RBFOX1: variants seen among roughly 807,000 people sequenced by gnomAD.
The protein encoded by RBFOX1 is RNA binding protein fox-1 homolog 1.
Under a neutral mutation model 57.7 loss-of-function variants are expected in RBFOX1, and 8 were observed. The observed-to-expected ratio is 0.14, with a 90% CI of 0.08 to 0.25. The LOEUF is 0.25. Among genes scored for constraint, RBFOX1 ranks in the 10% least tolerant of loss-of-function variants. The pLI is 1.00. For synonymous variants in RBFOX1, 326 were observed against 222.4 expected (o/e 1.47, Z -4.15); for missense variants, 611 against 548.5 (o/e 1.11, Z -1.14).
Position 5,643,621 on chromosome 16 carries a change from G to C in RBFOX1, c.318+44660G>C, listed in dbSNP as rs557307184. 5.9e-5 allele frequency among the ~76,000 whole-genome samples: 9 copies of C among 152,302 alleles called. No homozygotes were observed. In the East Asian group the frequency reaches 1.2e-3, roughly 20 times the overall value. On this transcript the variant is annotated intron_variant, in intron 3 of 19. Transcript: ENST00000641259. Reference sequence around the variant, plus strand: ...ATAGCAAGGTATTTTTAGGTACAGAGTCTTCCTGCAGCATTTAAATTATGA... The same window carrying C: ...ATAGCAAGGTATTTTTAGGTACAGACTCTTCCTGCAGCATTTAAATTATGA...
intron 11 of RBFOX1, among the ~76,000 whole-genome samples, chr16:7,641,649 A>T (rs1264439436): frequency 6.6e-6 from 1 of 152,182 alleles, no homozygotes; most frequent in Non-Finnish European, 1.5e-5. Context: ...TTTCCAGAAG[A>T]TCATTTTTCC....
chr16:7,503,215 T>C (rs1375797917), intron 4 of RBFOX1, among the ~76,000 whole-genome samples: 1 of 152,164 alleles, frequency 6.6e-6, no homozygotes, highest in Non-Finnish European at 1.5e-5. Context: ...ATTTTCCAAA[T>C]CTAGCAAGAG....
intron 3 of RBFOX1, among the ~76,000 whole-genome samples, chr16:5,725,674 T>A (rs2052122337): frequency 6.6e-6 from 1 of 151,686 alleles, no homozygotes. Flanking sequence ...ATCAGAGAGG[T>A]AACTTGAGGT....
chr16:5,887,432 C>A (rs891331879), intron 4 of RBFOX1, among the ~76,000 whole-genome samples: 1 of 152,214 alleles, frequency 6.6e-6, no homozygotes, highest in African/African-American at 2.4e-5. Flanking sequence ...GATGTAGTCT[C>A]ACTCTGTTGC....
In RBFOX1 at chr16:7,024,236, C is replaced by T. The variant is rs572996468; in HGVS notation, c.-15-27821C>T. Among the ~76,000 whole-genome samples the T allele has an allele frequency of 7.9e-5, 12 of 152,236 alleles. No homozygotes were observed. The South Asian group carries it at 1.9e-3, about 24-fold the overall frequency. On this transcript the variant is annotated intron_variant, in intron 3 of 15. Coordinates refer to ENST00000550418, the MANE Select transcript of RBFOX1 (RefSeq NM_018723.4). ...TAATTTACAGCATTGGCACTCATAT[C>T]GTGCTCTGGACATGAATGCACAGAG... is the stretch of plus-strand genomic sequence containing the variant.
At chr16:6,959,370 G>C (rs1269275641) in intron 3 of RBFOX1, among the ~76,000 whole-genome samples, 1 of 152,158 alleles carries the variant, frequency 6.6e-6, no homozygotes, top group Non-Finnish European at 1.5e-5. Flanking sequence ...ACATTTGAAT[G>C]GATTTTCAGA....
At chr16:5,272,446 A>G (rs532494640) in intron 1 of RBFOX1, among the ~76,000 whole-genome samples, 11 of 152,212 alleles carry the variant, frequency 7.2e-5, no homozygotes, top group Non-Finnish European at 1.5e-4. Flanking sequence ...TCAGGCCCAC[A>G]GAGTCCTTGG....
chr16:7,150,552 C>T (rs1030182686), intron 4 of RBFOX1, among the ~76,000 whole-genome samples: 1 of 152,184 alleles, frequency 6.6e-6, no homozygotes, highest in Non-Finnish European at 1.5e-5. Flanking sequence ...GTGTGATCAA[C>T]TCTTAACAGA....
intron 4 of RBFOX1, among the ~76,000 whole-genome samples, chr16:7,440,412 A>G (rs1338834163): frequency 6.6e-6 from 1 of 151,864 alleles, no homozygotes; most frequent in Non-Finnish European, 1.5e-5. Flanking sequence ...AGAGAAGAAA[A>G]TCTCTCCCAA....
chr16:6,935,998 A>T (rs185838056), intron 3 of RBFOX1, among the ~76,000 whole-genome samples: 1 of 152,250 alleles, frequency 6.6e-6, no homozygotes, highest in East Asian at 1.9e-4. Flanking sequence ...TCTGGGGGCT[A>T]ATGAGCTAAG....
At chr16:5,905,910 G>A (rs766781067) in intron 4 of RBFOX1, among the ~76,000 whole-genome samples, 1 of 152,144 alleles carries the variant, frequency 6.6e-6, no homozygotes, top group Non-Finnish European at 1.5e-5. Context: ...TTTTCCCGAC[G>A]ATGGAGGATA....
At chr16:5,505,830 G>T (rs997916599) in intron 2 of RBFOX1, among the ~76,000 whole-genome samples, 1 of 152,054 alleles carries the variant, frequency 6.6e-6, no homozygotes, top group Non-Finnish European at 1.5e-5. Context: ...TCCCTAGACC[G>T]TGGTTTGCGT....
chr16:6,597,133 A>T (rs1201611555), intron 2 of RBFOX1, among the ~76,000 whole-genome samples: 1 of 152,188 alleles, frequency 6.6e-6, no homozygotes, highest in Non-Finnish European at 1.5e-5. Flanking sequence ...AAAGGAGTTG[A>T]CATCTACTGT....
chr16:5,727,995 C>G (rs1319486266), intron 3 of RBFOX1, among the ~76,000 whole-genome samples: 1 of 152,204 alleles, frequency 6.6e-6, no homozygotes, highest in African/African-American at 2.4e-5. Context: ...CCTCCTCTCT[C>G]TGTTTCTATC....
intron 3 of RBFOX1, among the ~76,000 whole-genome samples, chr16:6,871,714 G>C (rs1473517): frequency 6.6e-6 from 1 of 151,922 alleles, no homozygotes; most frequent in African/African-American, 2.4e-5. Flanking sequence ...CCATATACCA[G>C]AAAGAGTGAT....
chr16:7,050,686 T>A (rs1451731323), intron 3 of RBFOX1, among the ~76,000 whole-genome samples: 1 of 152,234 alleles, frequency 6.6e-6, no homozygotes, highest in Non-Finnish European at 1.5e-5. Context: ...TGAACATTTT[T>A]CATATCTCTA....
chr16:5,726,867 G>A (rs2052171831), intron 3 of RBFOX1, among the ~76,000 whole-genome samples: 2 of 152,048 alleles, frequency 1.3e-5, no homozygotes, highest in African/African-American at 4.8e-5. Flanking sequence ...ATTGTTTTTA[G>A]TGTCATTGAT....
intron 3 of RBFOX1, among the ~76,000 whole-genome samples, chr16:5,714,693 TA>T (rs1245571492): frequency 1.1e-4 from 17 of 152,322 alleles, no homozygotes; most frequent in African/African-American, 3.6e-4. Flanking sequence ...AGTTTGTGGG[TA>T]AGGAAATAAC....
At chr16:7,701,970 C>G (rs2080883079) in intron 14 of RBFOX1, among the ~76,000 whole-genome samples, 1 of 152,200 alleles carries the variant, frequency 6.6e-6, no homozygotes, top group South Asian at 2.1e-4. Context: ...CCTCTCAAAT[C>G]TTTCTGTAGG....
Sources: allele counts gnomAD v4.1 joint callset (sites outside exome capture counted in the v4.1 genomes callset), GRCh38; gene constraint gnomAD v4.1.1; transcripts MANE v1.5; gene names NCBI Gene and HGNC (gene_info 2026-07-23, HGNC 2026-07-21).